The following DLGAP2 variants were observed in gnomAD, a reference collection of about 807,000 sequenced individuals.
The protein encoded by DLGAP2 is disks large-associated protein 2.
DLGAP2 carries 26 observed loss-of-function variants against 100.3 expected under a neutral mutation model. The observed-to-expected ratio is 0.26, with a 90% CI of 0.19 to 0.36. DLGAP2 has a LOEUF of 0.36. DLGAP2 is among the 10% of genes least tolerant of loss of function. The probability of loss-of-function intolerance (pLI) is 1.00; values close to 1 mark genes in which losing one functional copy is unlikely to be tolerated. For synonymous variants in DLGAP2, 886 were observed against 630.1 expected, an observed-to-expected ratio of 1.41 and a Z score of -6.08; for missense variants, 1,858 against 1,453.2, an observed-to-expected ratio of 1.28 and a Z score of -4.53.
intron 2 of DLGAP2, among the ~76,000 whole-genome samples, chr8:1,210,794 C>T (rs1798087748): frequency 6.6e-6 from 1 of 151,946 alleles, no homozygotes; most frequent in African/African-American, 2.4e-5. Context: ...TCCACAGCTC[C>T]CCTGGGCCCC....
intron 2 of DLGAP2, among the ~76,000 whole-genome samples, chr8:1,174,995 A>G (rs1049455502): frequency 5.3e-5 from 8 of 152,184 alleles, no homozygotes; most frequent in African/African-American, 1.7e-4. Flanking sequence ...TGAAAATTAG[A>G]TATTTCCCTA....
At chr8:1,384,374 C>T (rs1796167617) in intron 3 of DLGAP2, among the ~76,000 whole-genome samples, 1 of 143,758 alleles carries the variant, frequency 7.0e-6, no homozygotes. Context: ...ACAGTTACCC[C>T]GGCCTGTGCC....
chr8:814,850 C>CAAAAAA (rs34412684), intron 1 of DLGAP2, among the ~76,000 whole-genome samples: 23 of 61,866 alleles, frequency 3.7e-4, no homozygotes, highest in East Asian at 5.0e-4. Context: ...GACTCCGTCT[C>CAAAAAA]AAAAAAAAAA....
At chr8:900,530 T>A (rs1243321331) in intron 1 of DLGAP2, among the ~76,000 whole-genome samples, 2 of 152,206 alleles carry the variant, frequency 1.3e-5, no homozygotes, top group Non-Finnish European at 2.9e-5. Context: ...GCAGCAAATA[T>A]GCAGTGTGTG....
intron 3 of DLGAP2, among the ~76,000 whole-genome samples, chr8:1,419,832 C>A (rs1405210508): frequency 1.3e-5 from 2 of 152,142 alleles, no homozygotes; most frequent in African/African-American, 4.8e-5. Flanking sequence ...ACCATATGAG[C>A]CAGCAATCCC....
chr8:1,146,515 C>T (rs750989584), intron 2 of DLGAP2, among the ~76,000 whole-genome samples: 4 of 152,206 alleles, frequency 2.6e-5, no homozygotes, highest in East Asian at 1.9e-4. Flanking sequence ...GTTCTGGAAG[C>T]GTTCCTGCGT....
intron 1 of DLGAP2, among the ~76,000 whole-genome samples, chr8:767,932 A>G (rs1467770942): frequency 6.6e-6 from 1 of 152,220 alleles, no homozygotes; most frequent in Non-Finnish European, 1.5e-5. Context: ...TGAGATGGAC[A>G]TTTAAGCTGT....
intron 3 of DLGAP2, among the ~76,000 whole-genome samples, chr8:1,411,431 T>A (rs533404349): frequency 2.0e-5 from 3 of 152,296 alleles, no homozygotes; most frequent in African/African-American, 7.2e-5. Flanking sequence ...AGCCAGGCGG[T>A]CCTAGCTGGC....
chr8:915,407 C>T (rs956541431), intron 2 of DLGAP2, among the ~76,000 whole-genome samples: 1 of 152,214 alleles, frequency 6.6e-6, no homozygotes, highest in East Asian at 1.9e-4. Flanking sequence ...ATTAGCTGGG[C>T]GTGGTGGCTG....
At chr8:1,568,011 T>C (rs1802472931) in intron 6 of DLGAP2, among the ~76,000 whole-genome samples, 1 of 151,906 alleles carries the variant, frequency 6.6e-6, no homozygotes, top group East Asian at 1.9e-4. Context: ...TGGACCCCCA[T>C]GCCACTGTCC....
chr8:958,275 G>A (rs1799641227), intron 2 of DLGAP2, among the ~76,000 whole-genome samples: 1 of 152,182 alleles, frequency 6.6e-6, no homozygotes, highest in Admixed American at 6.5e-5. Flanking sequence ...CCGCCGCCAT[G>A]TTTTGTCGAT....
At chr8:1,101,668 C>A (rs1471016875) in intron 2 of DLGAP2, among the ~76,000 whole-genome samples, 8 of 151,356 alleles carry the variant, frequency 5.3e-5, no homozygotes, top group African/African-American at 1.7e-4. Context: ...CTCGTCACCC[C>A]TGAGCCGAAC....
chr8:788,441 C>T lies in DLGAP2; in HGVS notation c.18+50616C>T, dbSNP rs761042584. Among the ~76,000 whole-genome samples, 18 of 152,176 alleles carry T rather than the reference C, an allele frequency of 1.2e-4. 1 individual carries two copies. Among genetic ancestry groups the T allele is most frequent in the South Asian group, 2.1e-4 (1 of 4,830 alleles). The stretch of plus-strand genomic sequence containing the variant: ...GTTGAGGCCTTGGCGTCTGTGTCCA[C>T]GTGGTCTGGTCAGCAGAAGCCTCAG... On this transcript the variant is annotated intron_variant, in intron 1 of 14. Transcript: ENST00000637795.
chr8:1,605,921 G>A (rs547566501), intron 6 of DLGAP2, among the ~76,000 whole-genome samples: 1 of 152,232 alleles, frequency 6.6e-6, no homozygotes, highest in Non-Finnish European at 1.5e-5. Flanking sequence ...CTCAGCTCGA[G>A]CTCGTGCTGT....
intron 2 of DLGAP2, among the ~76,000 whole-genome samples, chr8:930,256 G>C (rs1452377054): frequency 6.6e-6 from 1 of 152,196 alleles, no homozygotes; most frequent in East Asian, 1.9e-4. Context: ...TTCTCCTCTT[G>C]GTTGATCATG....
At chr8:1,330,222 C>G (rs975653585) in intron 3 of DLGAP2, among the ~76,000 whole-genome samples, 2 of 150,146 alleles carry the variant, frequency 1.3e-5, no homozygotes, top group Non-Finnish European at 2.9e-5. Context: ...CACTACTTCA[C>G]AGGGACTGAG....
intron 1 of DLGAP2, among the ~76,000 whole-genome samples, chr8:805,591 A>G (rs1796253033): frequency 6.6e-6 from 1 of 152,182 alleles, no homozygotes; most frequent in African/African-American, 2.4e-5. Flanking sequence ...CTAATGTTAT[A>G]AAAGTATCCG....
At chr8:1,432,955 C>T (rs980721577) in intron 3 of DLGAP2, among the ~76,000 whole-genome samples, 9 of 152,162 alleles carry the variant, frequency 5.9e-5, no homozygotes, top group African/African-American at 2.2e-4. Flanking sequence ...AGACCCAGGG[C>T]CCGCTGTGCT....
chr8:1,162,448 C>T (rs540601162), intron 2 of DLGAP2, among the ~76,000 whole-genome samples: 4 of 152,218 alleles, frequency 2.6e-5, no homozygotes, highest in African/African-American at 4.8e-5. Flanking sequence ...TGTTTCTACT[C>T]GTGGAAGAGA....
Sources: allele counts gnomAD v4.1 joint callset (sites outside exome capture counted in the v4.1 genomes callset), GRCh38; gene constraint gnomAD v4.1.1; transcripts MANE v1.5; gene names NCBI Gene and HGNC (gene_info 2026-07-23, HGNC 2026-07-21).